Variants in PTPRS observed in about 807,000 individuals in gnomAD.
PTPRS encodes the protein protein tyrosine phosphatase receptor type S, also known as receptor-type tyrosine-protein phosphatase S.
PTPRS carries 63 observed loss-of-function variants against 215.3 expected under a neutral mutation model. The observed-to-expected ratio is 0.29, with a 90% CI of 0.24 to 0.36. The LOEUF (loss-of-function observed/expected upper bound fraction) is 0.36. Ranked by LOEUF, PTPRS falls within the 10% of genes least tolerant of loss-of-function variation. The probability of loss-of-function intolerance (pLI) is 1.00; values close to 1 mark genes in which losing one functional copy is unlikely to be tolerated. For missense variants in PTPRS, 2,258 were observed against 2,825.8 expected (o/e 0.80, Z 4.56); for synonymous variants, 1,404 against 1,191.4 (o/e 1.18, Z -3.68).
intron 2 of PTPRS, among the ~76,000 whole-genome samples, chr19:5,282,983 G>T (rs2047996277): frequency 6.6e-6 from 1 of 152,198 alleles, no homozygotes; most frequent in Non-Finnish European, 1.5e-5. Flanking sequence ...TGAAGAGACA[G>T]AAGTTCATGT....
intron 17 of PTPRS, among the ~76,000 whole-genome samples, chr19:5,224,657 T>G (rs1434867259): frequency 6.6e-6 from 1 of 152,106 alleles, no homozygotes; most frequent in East Asian, 1.9e-4. Flanking sequence ...GAGAGCAGCG[T>G]ATGCAGTGGT....
chr19:5,323,890 T>G (rs1238561639), intron 1 of PTPRS, among the ~76,000 whole-genome samples: 1 of 151,970 alleles, frequency 6.6e-6, no homozygotes, highest in African/African-American at 2.4e-5. Context: ...TTGGTCCAGG[T>G]GATGATGGGA....
Position 5,212,592 on chromosome 19 carries a change from C to T in PTPRS, c.4615-101G>A, listed in dbSNP as rs1406267726. The T allele has an allele frequency of 3.1e-5, 44 of 1,417,870 alleles. No individual in the cohort carries two copies. The East Asian group carries it at 1.1e-3, about 34-fold the overall frequency. 87.8% of individuals were successfully genotyped at this position (1,417,870 alleles called of 1,614,324 possible). A position where few individuals can be genotyped will look rare whatever the true frequency, so the allele number is the denominator to read the frequency against. On this transcript the variant is annotated intron_variant, in intron 30 of 37. Coordinates refer to ENST00000262963, the MANE Select transcript of PTPRS (RefSeq NM_002850.4). ...GGTGTGGTGGCTCATGCCTGTTATC[C>T]CAGCACTTTGGGAGGCCGAGGTGGG...
chr19:5,211,866 C>T, intron 32 of PTPRS, 98 bp from the exon 33 acceptor site: 5 of 1,569,256 alleles, frequency 3.2e-6, no homozygotes, highest in South Asian at 1.2e-5. Context: ...GGGCACCCTG[C>T]CACCACCTTC....
chr19:5,299,042 G>A (rs902166012), intron 1 of PTPRS, among the ~76,000 whole-genome samples: 3 of 151,860 alleles, frequency 2.0e-5, no homozygotes, highest in African/African-American at 4.8e-5. Flanking sequence ...TTGCCTGCTC[G>A]GACCAGCACA....
chr19:5,334,355 A>C (rs1297131942), intron 1 of PTPRS, among the ~76,000 whole-genome samples: 4 of 152,202 alleles, frequency 2.6e-5, no homozygotes, highest in African/African-American at 9.7e-5. Flanking sequence ...AACAGAATAG[A>C]GGTGGCAGCT....
At chr19:5,286,429 C>T in intron 1 of PTPRS, 195 bp from the exon 2 acceptor site, 1 of 434,752 alleles carries the variant, frequency 2.3e-6, no homozygotes. Context: ...GGTGTCTCCC[C>T]CACAAAAAAT....
rs2040814330 is a variant in PTPRS at position 5,210,903 on chromosome 19, G to C, written c.5235-98C>G. ...GAGGGTCAGGACCAAGCCAGTGACA[G>C]CTACACCTACCACCCCACTGCCTGC... On this transcript the variant is annotated intron_variant, in intron 33 of 37. Coordinates refer to ENST00000262963, the MANE Select transcript of PTPRS (RefSeq NM_002850.4). The surrounding 1 kb of genome is among the most constrained non-coding windows in gnomAD (Gnocchi z 4.5). The C allele has an allele frequency of 5.4e-6, 8 of 1,470,514 alleles. No individual in the cohort carries two copies. In the East Asian group the frequency reaches 1.9e-4, roughly 35 times the overall value. The allele number at this position is 1,470,514 out of a possible 1,614,324, so 91.1% of individuals were successfully genotyped here. A position where few individuals can be genotyped will look rare whatever the true frequency, so the allele number is the denominator to read the frequency against.
intron 24 of PTPRS, 98 bp downstream of exon 24, chr19:5,218,689 G>T: frequency 6.5e-7 from 1 of 1,541,286 alleles, no homozygotes; most frequent in Non-Finnish European, 9.0e-7. Flanking sequence ...AAGCTGTGGG[G>T]GCAGCCGGGC....
At chr19:5,247,713 T>C (rs2146029538) in intron 9 of PTPRS, among the ~76,000 whole-genome samples, 1 of 151,852 alleles carries the variant, frequency 6.6e-6, no homozygotes, top group Non-Finnish European at 1.5e-5. Flanking sequence ...TGGTCTACGA[T>C]GCTGAGGAGG....
In PTPRS at chr19:5,222,891, C is replaced by T; in HGVS notation, c.2901G>A (p.Val967=). The T allele has an allele frequency of 6.3e-7, 1 of 1,574,958 alleles. No homozygotes were observed. The highest frequency in any genetic ancestry group is 8.6e-7 in the Non-Finnish European group (1 of 1,166,982). ...ERNGAIVKYT[V]AVREAGALGP... is the part of the protein sequence containing the mutation. ...CCAGGGCACCGGCCTCCCGCACGGC[C>T]ACCGTGTATTTGACGATGGCCCCGT... Residue 967 remains valine (V), a synonymous_variant, in exon 18 of 38, where the codon GTG becomes GTA. Coordinates refer to ENST00000262963, the MANE Select transcript of PTPRS (RefSeq NM_002850.4).
intron 2 of PTPRS, among the ~76,000 whole-genome samples, chr19:5,279,225 T>C (rs1423401385): frequency 1.3e-5 from 2 of 152,008 alleles, no homozygotes; most frequent in African/African-American, 4.8e-5. Context: ...AGATTGTATG[T>C]ATGTGTAGAA....
chr19:5,228,347 G>GAAAAAAAAAAAAAAAAAAAAAAA (rs71170899), intron 16 of PTPRS, among the ~76,000 whole-genome samples: 14 of 105,886 alleles, frequency 1.3e-4, no homozygotes, highest in African/African-American at 5.1e-4. Flanking sequence ...TCCGTCTGGA[G>GAAAAAAAAAAAAAAAAAAAAAAA]AAAAAAAAAA....
rs1241750343 is a variant in PTPRS at position 5,287,735 on chromosome 19, C to T, written c.-94-1501G>A. Among the ~76,000 whole-genome samples, 1 of 152,172 alleles carries T rather than the reference C, an allele frequency of 6.6e-6. No individual in the cohort carries two copies. The highest frequency in any genetic ancestry group is 1.5e-5 in the Non-Finnish European group (1 of 68,018). On this transcript the variant is annotated intron_variant, in intron 1 of 37. Coordinates refer to ENST00000262963, the MANE Select transcript of PTPRS (RefSeq NM_002850.4). The surrounding 1 kb of genome is among the most constrained non-coding windows in gnomAD (Gnocchi z 4.8). ...GGGCGGGTAGTGGCCGGGTCACAGC[C>T]TAGGGTGACGAACGGGATTCGGGGG...
chr19:5,256,471 G>C (rs2045562704), intron 8 of PTPRS, among the ~76,000 whole-genome samples: 1 of 151,992 alleles, frequency 6.6e-6, no homozygotes, highest in Non-Finnish European at 1.5e-5. Flanking sequence ...TCATGCTGGG[G>C]ACCCCACCTC....
rs28685089 is a variant in PTPRS at position 5,332,876 on chromosome 19, C to T, written c.-95+7788G>A. ...TCTAAAAAATGCAATTTGTTAGACG[C>T]GGTGGCTCACGCCTGTAATCCCGGC... On this transcript the variant is annotated intron_variant, in intron 1 of 37. Transcript: ENST00000262963. 1.7e-3 allele frequency among the ~76,000 whole-genome samples: 254 copies of T among 152,310 alleles called. 1 individual carries two copies. The highest frequency in any genetic ancestry group is 5.8e-3 in the African/African-American group (242 of 41,578).
At chr19:5,233,662 G>A (rs910789035) in intron 13 of PTPRS, among the ~76,000 whole-genome samples, 4 of 149,824 alleles carry the variant, frequency 2.7e-5, no homozygotes, top group Admixed American at 1.3e-4. Flanking sequence ...TAAGAATCTC[G>A]GCCGGGCGCA....
chr19:5,322,731 T>G, intron 1 of PTPRS, among the ~76,000 whole-genome samples: 1 of 151,040 alleles, frequency 6.6e-6, no homozygotes, highest in African/African-American at 2.4e-5. Context: ...AATACAAAAT[T>G]AGCCGGGCAT....
At chr19:5,265,418 C>T (rs8105283) in intron 4 of PTPRS, among the ~76,000 whole-genome samples, 98,933 of 152,036 alleles carry the variant, frequency 0.65, 32,626 homozygotes, top group East Asian at 0.81. Flanking sequence ...CATAGCTCAC[C>T]GCAGTCTCAA....
Sources: allele counts gnomAD v4.1 joint callset (sites outside exome capture counted in the v4.1 genomes callset), GRCh38; gene constraint gnomAD v4.1.1; non-coding constraint Gnocchi (gnomAD v3.1); transcripts MANE v1.5; gene names NCBI Gene and HGNC (gene_info 2026-07-23, HGNC 2026-07-21).